Variants in PPP2R3A observed in about 807,000 individuals in gnomAD.
PPP2R3A encodes serine/threonine-protein phosphatase 2A regulatory subunit B'' subunit alpha.
A neutral mutation model predicts 106.9 loss-of-function variants in PPP2R3A; 80 were observed. The ratio of observed to expected loss-of-function variants is 0.75; its 90% confidence interval spans 0.62 to 0.90. The LOEUF (loss-of-function observed/expected upper bound fraction) is 0.90. PPP2R3A is among the 40% of genes least tolerant of loss of function. The pLI is 0.00. For missense variants in PPP2R3A, 1,386 were observed against 1,350.4 expected, an observed-to-expected ratio of 1.03 and a Z score of -0.41; for synonymous variants, 483 against 468.3, an observed-to-expected ratio of 1.03 and a Z score of -0.41.
chr3:136,136,775 A>G (rs1031571131), intron 13 of PPP2R3A, among the ~76,000 whole-genome samples: 35 of 152,098 alleles, frequency 2.3e-4, no homozygotes, highest in Admixed American at 1.9e-3. Flanking sequence ...TCCTCCACCT[A>G]CTTTACCATC....
chr3:136,059,185 A>G (rs2107883810), intron 5 of PPP2R3A, among the ~76,000 whole-genome samples: 1 of 152,242 alleles, frequency 6.6e-6, no homozygotes, highest in South Asian at 2.1e-4. Flanking sequence ...GAAACTATCA[A>G]CAGACTAAAC....
At chr3:135,989,329 G>C (rs1933060562) in intron 1 of PPP2R3A, among the ~76,000 whole-genome samples, 1 of 152,120 alleles carries the variant, frequency 6.6e-6, no homozygotes, top group Admixed American at 6.6e-5. Flanking sequence ...TGGGAGCTCT[G>C]CCACTTCCTT....
chr3:136,126,073 C>T (rs563503253), intron 13 of PPP2R3A, among the ~76,000 whole-genome samples: 5 of 152,168 alleles, frequency 3.3e-5, no homozygotes, highest in South Asian at 2.1e-4. Flanking sequence ...CCAGCATGAT[C>T]GATGCAGAAG....
intron 5 of PPP2R3A, among the ~76,000 whole-genome samples, chr3:136,064,483 G>T (rs1420221820): frequency 6.6e-6 from 1 of 152,026 alleles, no homozygotes; most frequent in Non-Finnish European, 1.5e-5. Flanking sequence ...TGTGTTTCAG[G>T]GTGTTTCTCT....
At chr3:136,049,710 T>G (rs114255054) in intron 5 of PPP2R3A, among the ~76,000 whole-genome samples, 107 of 152,188 alleles carry the variant, frequency 7.0e-4, no homozygotes, top group African/African-American at 2.5e-3. Flanking sequence ...GAAGATAACT[T>G]CTCTGTTAGC....
intron 13 of PPP2R3A, among the ~76,000 whole-genome samples, chr3:136,116,476 A>G (rs549220429): frequency 2.7e-4 from 41 of 152,254 alleles, no homozygotes; most frequent in African/African-American, 9.6e-4. Flanking sequence ...ACCCATTGGT[A>G]TGCTGTATTC....
intron 13 of PPP2R3A, among the ~76,000 whole-genome samples, chr3:136,134,134 AAGAC>A (rs1349586927): frequency 2.0e-5 from 3 of 152,166 alleles, no homozygotes; most frequent in South Asian, 2.1e-4. Context: ...ACAGGATGGG[AAGAC>A]AGACAGATGC....
intron 3 of PPP2R3A, among the ~76,000 whole-genome samples, chr3:136,033,636 T>A (rs1273581261): frequency 6.6e-6 from 1 of 152,244 alleles, no homozygotes. Context: ...TCCAGGAATT[T>A]ATTCATCTCT....
chr3:136,118,249 A>G (rs1336879320), intron 13 of PPP2R3A, among the ~76,000 whole-genome samples: 5 of 152,350 alleles, frequency 3.3e-5, no homozygotes, highest in Admixed American at 2.6e-4. Flanking sequence ...AGAGCTATTT[A>G]TGACAAACCC....
chr3:136,060,197 A>T (rs1936028034), intron 5 of PPP2R3A, among the ~76,000 whole-genome samples: 1 of 152,236 alleles, frequency 6.6e-6, no homozygotes, highest in Non-Finnish European at 1.5e-5. Context: ...ACAAAGAAGG[A>T]AACTCTGTTA....
At chr3:135,995,720 A>G (rs1050406179) in intron 1 of PPP2R3A, among the ~76,000 whole-genome samples, 2 of 152,054 alleles carry the variant, frequency 1.3e-5, no homozygotes, top group African/African-American at 4.8e-5. Context: ...CAGTCTGCCC[A>G]CCTTGGCCTC....
chr3:136,040,822 C>G, intron 3 of PPP2R3A, 37 bp from the exon 4 acceptor site: 1 of 1,516,298 alleles, frequency 6.6e-7, no homozygotes, highest in Non-Finnish European at 8.9e-7. Flanking sequence ...CTCTTCATTC[C>G]CTGTTGGCTT....
At chr3:136,129,160 A>G (rs1470178267) in intron 13 of PPP2R3A, among the ~76,000 whole-genome samples, 1 of 152,056 alleles carries the variant, frequency 6.6e-6, no homozygotes, top group Non-Finnish European at 1.5e-5. Context: ...CCAAGAAATA[A>G]CTAAGATTAG....
chr3:136,039,204 C>T (rs1935177956), intron 3 of PPP2R3A, among the ~76,000 whole-genome samples: 1 of 152,174 alleles, frequency 6.6e-6, no homozygotes, highest in African/African-American at 2.4e-5. Flanking sequence ...TAGTCTTCCT[C>T]TAGAGGAGAG....
intron 13 of PPP2R3A, among the ~76,000 whole-genome samples, chr3:136,137,533 G>GCTTTTTTTTTTTTTTTTTT (rs1559941176): frequency 2.6e-5 from 1 of 38,442 alleles, no homozygotes; most frequent in African/African-American, 7.5e-5. Context: ...CTCTGTCAGA[G>GCTTTTTTTTTTTTTTTTTT]ATTTTTTTTT....
chr3:136,002,163 A>G lies in PPP2R3A; in HGVS notation c.665A>G (p.Asn222Ser). Residue 222 changes from asparagine (N) to serine (S), a missense_variant, in exon 2 of 14, where the codon AAT (asparagine) becomes AGT (serine). Physicochemically the swap from Asn to Ser is conservative, Grantham distance 46. Coordinates refer to ENST00000264977, the MANE Select transcript of PPP2R3A (RefSeq NM_002718.5). The stretch of plus-strand genomic sequence containing the variant: ...ATTTTGGAAAAACATAAAATAGATA[A>G]TTTTTCTTCTGGGACAGACATAAAG... ...TQILEKHKID[N>S]FSSGTDIKMC... The G allele has an allele frequency of 1.9e-6, 3 of 1,613,324 alleles. No homozygotes were observed. The highest frequency in any genetic ancestry group is 2.5e-6 in the Non-Finnish European group (3 of 1,179,848).
intron 5 of PPP2R3A, among the ~76,000 whole-genome samples, chr3:136,068,374 C>T (rs772545440): frequency 1.4e-4 from 21 of 150,824 alleles, no homozygotes; most frequent in South Asian, 1.3e-3. Flanking sequence ...GTAAATAGGC[C>T]GGGCATGGTG....
intron 13 of PPP2R3A, among the ~76,000 whole-genome samples, chr3:136,125,941 A>G (rs545348547): frequency 6.6e-6 from 1 of 152,356 alleles, no homozygotes; most frequent in African/African-American, 2.4e-5. Context: ...AAGTAAGGAT[A>G]GAGGGGAAGT....
intron 1 of PPP2R3A, among the ~76,000 whole-genome samples, chr3:135,978,695 A>G (rs1169561486): frequency 2.0e-5 from 3 of 151,832 alleles, no homozygotes; most frequent in Non-Finnish European, 2.9e-5. Flanking sequence ...TAAAAACTAA[A>G]CCCCCAAATT....
Sources: gnomAD v4.1 joint callset for allele counts (sites outside exome capture counted in the v4.1 genomes callset) on GRCh38, gnomAD v4.1.1 for gene constraint, MANE v1.5 for transcripts, NCBI Gene and HGNC (gene_info 2026-07-23, HGNC 2026-07-21) for gene names.